The following ATP2C2 variants were observed in gnomAD, a reference collection of about 807,000 sequenced individuals.
ATP2C2 encodes ATPase secretory pathway Ca2+ transporting 2.
ATP2C2 carries 171 observed loss-of-function variants against 110.8 expected under a neutral mutation model. The ratio of observed to expected loss-of-function variants is 1.54; its 90% CI spans 1.36 to 1.75. ATP2C2 has a LOEUF of 1.75. ATP2C2 is among the 40% of genes most tolerant of loss of function. The probability of loss-of-function intolerance (pLI) is 0.00; values close to 1 mark genes in which losing one functional copy is unlikely to be tolerated. For synonymous variants in ATP2C2, 804 were observed against 508.4 expected (o/e 1.58, Z -7.82); for missense variants, 1,963 against 1,235.0 (o/e 1.59, Z -8.84).
chr16:84,442,256 G>A (rs1223682340), intron 14 of ATP2C2, among the ~76,000 whole-genome samples: 5 of 152,052 alleles, frequency 3.3e-5, no homozygotes, highest in East Asian at 3.9e-4. Flanking sequence ...GTCGCTCCCC[G>A]TTACCCCACA....
chr16:84,428,306 T>G (rs76330096), intron 11 of ATP2C2, among the ~76,000 whole-genome samples: 8,973 of 152,334 alleles, frequency 0.059, 273 homozygotes, highest in Middle Eastern at 0.092. Flanking sequence ...GATTATCTGG[T>G]AATTAGTAGT....
chr16:84,441,992 G>T lies in ATP2C2; in HGVS notation c.1312-518G>T, dbSNP rs80150905. On this transcript the variant is annotated intron_variant, in intron 14 of 26. Coordinates refer to ENST00000262429, the MANE Select transcript of ATP2C2 (RefSeq NM_014861.4). ...ATAAAAAAGAAAAGAAAAGAAATGGGCAGAGAAGTAATGCGAGTGTCCAGG... is the reference window on the plus strand; with the variant it reads ...ATAAAAAAGAAAAGAAAAGAAATGGTCAGAGAAGTAATGCGAGTGTCCAGG... Among the ~76,000 whole-genome samples the T allele has an allele frequency of 4.8e-4, 73 of 152,244 alleles. No homozygotes were observed. In the East Asian group the frequency reaches 0.013, roughly 27 times the overall value.
chr16:84,397,726 C>T (rs1905083660), intron 1 of ATP2C2, among the ~76,000 whole-genome samples: 1 of 147,088 alleles, frequency 6.8e-6, no homozygotes, highest in African/African-American at 2.5e-5. Flanking sequence ...AACTGGAACC[C>T]AGATATTCAT....
intron 18 of ATP2C2, among the ~76,000 whole-genome samples, chr16:84,452,311 A>T (rs1910360606): frequency 6.6e-6 from 1 of 152,142 alleles, no homozygotes; most frequent in Admixed American, 6.5e-5. Context: ...GGAAGTTCTC[A>T]TGGATACTGA....
intron 1 of ATP2C2, among the ~76,000 whole-genome samples, chr16:84,391,926 T>A (rs541764071): frequency 4.0e-5 from 6 of 150,750 alleles, no homozygotes; most frequent in South Asian, 4.2e-4. Context: ...TTTTTTTTTT[T>A]AAAACAAAAC....
At chr16:84,372,592 T>A (rs999972514) in intron 1 of ATP2C2, among the ~76,000 whole-genome samples, 3 of 151,838 alleles carry the variant, frequency 2.0e-5, no homozygotes, top group Non-Finnish European at 4.4e-5. Flanking sequence ...ACCCAGCTAA[T>A]TTTTGTACTT....
At chr16:84,385,030 C>T (rs1388490806) in intron 1 of ATP2C2, among the ~76,000 whole-genome samples, 1 of 152,176 alleles carries the variant, frequency 6.6e-6, no homozygotes, top group East Asian at 1.9e-4. Context: ...GCCTAGGTGA[C>T]AGAGTGAGAC....
intron 17 of ATP2C2, among the ~76,000 whole-genome samples, chr16:84,451,203 T>C (rs1378945270): frequency 6.6e-6 from 1 of 152,042 alleles, no homozygotes; most frequent in Non-Finnish European, 1.5e-5. Context: ...AAACCCCTCA[T>C]AAAACCATCA....
At chr16:84,442,358 G>C in intron 14 of ATP2C2, 152 bp from the exon 15 acceptor site, 4 of 706,792 alleles carry the variant, frequency 5.7e-6, no homozygotes, top group Non-Finnish European at 1.0e-5. Flanking sequence ...AAATAGTCAC[G>C]ATGTTTCTTT....
At chr16:84,434,150 G>T (rs1047068310) in intron 11 of ATP2C2, among the ~76,000 whole-genome samples, 8 of 152,102 alleles carry the variant, frequency 5.3e-5, no homozygotes, top group African/African-American at 1.9e-4. Context: ...GGGCACGGTG[G>T]CTCATGCCTG....
intron 1 of ATP2C2, among the ~76,000 whole-genome samples, chr16:84,389,837 C>G (rs894242817): frequency 6.6e-6 from 1 of 151,770 alleles, no homozygotes; most frequent in African/African-American, 2.4e-5. Context: ...TCTCCTGCCT[C>G]AGCCTCCCGA....
intron 23 of ATP2C2, chr16:84,460,145 C>A (rs569185302): frequency 3.9e-5 from 8 of 202,692 alleles, no homozygotes; most frequent in Non-Finnish European, 7.1e-5. Flanking sequence ...GCCAGCCCTC[C>A]CTGGGAGCAG....
At chr16:84,428,733 A>G (rs1908003144) in intron 11 of ATP2C2, among the ~76,000 whole-genome samples, 1 of 152,238 alleles carries the variant, frequency 6.6e-6, no homozygotes, top group African/African-American at 2.4e-5. Flanking sequence ...GAGACACACA[A>G]GACATTCAAA....
chr16:84,446,469 C>T lies in ATP2C2; in HGVS notation c.1503+39C>T, dbSNP rs545544203. The T allele has an allele frequency of 1.5e-5, 22 of 1,452,214 alleles. No individual in the cohort carries two copies. The Admixed American group carries it at 3.8e-4, about 25-fold the overall frequency. 90.0% of individuals were successfully genotyped at this position (1,452,214 alleles called of 1,614,324 possible). On this transcript the variant is annotated intron_variant, in intron 16 of 26. Transcript: ENST00000262429. ...ATCTTCAACCTCTTCTCTCTTTCTG[C>T]CCGGGCCCCCACCCAGAGATAAAGC...
chr16:84,369,899 A>G (rs892268496), intron 1 of ATP2C2, among the ~76,000 whole-genome samples: 11 of 152,232 alleles, frequency 7.2e-5, no homozygotes, highest in South Asian at 6.2e-4. Flanking sequence ...CTGAAGTGGC[A>G]TGTTAATATT....
intron 1 of ATP2C2, among the ~76,000 whole-genome samples, chr16:84,394,272 A>C (rs1904841701): frequency 6.6e-6 from 1 of 152,118 alleles, no homozygotes. Context: ...AATGGGATCT[A>C]GTACACTCAC....
chr16:84,451,866 A>G, intron 17 of ATP2C2, 55 bp from the exon 18 acceptor site: 2 of 1,533,628 alleles, frequency 1.3e-6, no homozygotes, highest in African/African-American at 1.4e-5. Context: ...CAACAACAAA[A>G]AACGACGGCC....
chr16:84,403,782 C>CT (rs1293836036), intron 2 of ATP2C2, among the ~76,000 whole-genome samples: 1 of 152,088 alleles, frequency 6.6e-6, no homozygotes, highest in Admixed American at 6.5e-5. Flanking sequence ...CCTCCGCCTC[C>CT]CAGCTTCAAG....
chr16:84,406,684 C>G (rs555059779), intron 3 of ATP2C2: 1 of 979,204 alleles, frequency 1.0e-6, no homozygotes, highest in African/African-American at 1.7e-5. Flanking sequence ...CAGAAGCTTC[C>G]TAAAACTGCA....
Sources: allele counts gnomAD v4.1 joint callset (sites outside exome capture counted in the v4.1 genomes callset), GRCh38; gene constraint gnomAD v4.1.1; transcripts MANE v1.5; gene names NCBI Gene and HGNC (gene_info 2026-07-23, HGNC 2026-07-21).